The following ZC3H12D variants were observed in gnomAD, a reference collection of about 807,000 sequenced individuals.
The protein encoded by ZC3H12D is probable ribonuclease ZC3H12D.
Under a neutral mutation model 24.2 loss-of-function variants are expected in ZC3H12D, and 11 were observed. The observed-to-expected ratio is 0.46, with a 90% CI of 0.29 to 0.75. The LOEUF is 0.75. ZC3H12D is among the 30% of genes least tolerant of loss of function. The probability of loss-of-function intolerance (pLI) is 0.11; values close to 1 mark genes in which losing one functional copy is unlikely to be tolerated. For synonymous variants in ZC3H12D, 333 were observed against 341.8 expected (o/e 0.97, Z 0.28); for missense variants, 740 against 767.7 (o/e 0.96, Z 0.43).
rs1439380892 is a variant in ZC3H12D at position 149,449,037 on chromosome 6, T to C, written c.*1646A>G. The C allele has an allele frequency of 6.6e-6, 1 of 152,260 alleles. No homozygotes were observed. Among genetic ancestry groups the C allele is most frequent in the African/African-American group, 2.4e-5 (1 of 41,468 alleles). 9.4% of individuals were successfully genotyped at this position (152,260 alleles called of 1,614,324 possible). ...TGAGCCATAGTCTGGAGGGCTGGCATGGTAACCAGAATGGGTGGATGCTGC... is the reference window on the plus strand; with the variant it reads ...TGAGCCATAGTCTGGAGGGCTGGCACGGTAACCAGAATGGGTGGATGCTGC... On this transcript the variant is annotated 3_prime_UTR_variant, in exon 6 of 6. Transcript: ENST00000409806.
chr6:149,478,166 CAAAAAAAAAA>C (rs34745745), intron 1 of ZC3H12D, among the ~76,000 whole-genome samples: 1 of 116,770 alleles, frequency 8.6e-6, no homozygotes, highest in Non-Finnish European at 1.8e-5. Flanking sequence ...GACTCCATCT[CAAAAAAAAAA>C]AAAAAAAAAC....
intron 3 of ZC3H12D, 139 bp downstream of exon 3, chr6:149,461,692 C>A: frequency 1.1e-6 from 1 of 924,114 alleles, no homozygotes; most frequent in Admixed American, 2.8e-5. Flanking sequence ...ATAATCAGTG[C>A]CTTCATGGAG....
At chr6:149,483,391 G>A (rs1440631758) in intron 1 of ZC3H12D, among the ~76,000 whole-genome samples, 2 of 151,996 alleles carry the variant, frequency 1.3e-5, no homozygotes, top group Non-Finnish European at 1.5e-5. Flanking sequence ...CAGTAGCATG[G>A]AGCACATTCA....
chr6:149,468,420 T>C (rs999270391), intron 2 of ZC3H12D, among the ~76,000 whole-genome samples: 18 of 152,198 alleles, frequency 1.2e-4, no homozygotes, highest in African/African-American at 4.3e-4. Flanking sequence ...ACAATCCAAT[T>C]GTACACCACT....
rs751349341 is a variant in ZC3H12D, at chr6:149,456,833, G to A, written c.513C>T (p.His171=). 2.5e-6 allele frequency: 4 copies of A among 1,611,522 alleles called. No homozygotes were observed. Among genetic ancestry groups the A allele is most frequent in the Middle Eastern group, 1.6e-4 (1 of 6,062 alleles). ...CGTCGTAGCAGACCAGGCGCTTGCC[G>A]TGCACCTTGCGGGACGGCGTGTACA... ...VLVYTPSRKV[H]GKRLVCYDDR... Residue 171 remains histidine, a synonymous_variant, in exon 4 of 6, where the codon CAC becomes CAT. Coordinates refer to ENST00000409806, the MANE Select transcript of ZC3H12D (RefSeq NM_207360.3). The surrounding 1 kb of genome is among the most constrained non-coding windows in gnomAD (Gnocchi z 4.3).
chr6:149,470,304 G>A (rs1048805229), intron 2 of ZC3H12D, among the ~76,000 whole-genome samples: 6 of 152,062 alleles, frequency 3.9e-5, no homozygotes, highest in Middle Eastern at 3.2e-3. Context: ...AGGTTGCAGC[G>A]AGCCAAGATC....
chr6:149,464,429 A>C (rs1309062308), intron 2 of ZC3H12D, among the ~76,000 whole-genome samples: 1 of 152,160 alleles, frequency 6.6e-6, no homozygotes, highest in African/African-American at 2.4e-5. Context: ...GCCTCAAATT[A>C]GATCACTCCA....
chr6:149,473,343 A>C (rs1562477046), intron 2 of ZC3H12D, among the ~76,000 whole-genome samples: 1 of 152,184 alleles, frequency 6.6e-6, no homozygotes, highest in African/African-American at 2.4e-5. Flanking sequence ...CTATGGTGGG[A>C]GTAACTCAGC....
chr6:149,462,032 T>C (rs1776081829), intron 2 of ZC3H12D, 62 bp from the exon 3 acceptor site: 1 of 1,547,132 alleles, frequency 6.5e-7, no homozygotes, highest in Non-Finnish European at 8.7e-7. Context: ...GTGATTTCCC[T>C]GCGAATATCC....
In ZC3H12D at chr6:149,456,707, G is replaced by T; in HGVS notation, c.639C>A (p.Phe213Leu). The T allele has an allele frequency of 6.2e-7, 1 of 1,612,540 alleles. No individual in the cohort carries two copies. Among genetic ancestry groups the T allele is most frequent in the Non-Finnish European group, 8.5e-7 (1 of 1,178,958 alleles). Reference protein sequence around the residue: ...LQSENPEWKWFIEQRLLMFSF... With the variant: ...LQSENPEWKWLIEQRLLMFSF... ...AGAACATGAGCAGCCTCTGCTCGAT[G>T]AACCACTTCCACTCGGGGTTCTCGC... The change falls in exon 4 of 6, where the codon TTC becomes TTA. Residue 213 changes from phenylalanine (F) to leucine (L), a missense_variant. Coordinates refer to ENST00000409806, the MANE Select transcript of ZC3H12D (RefSeq NM_207360.3). The surrounding 1 kb of genome is among the most constrained non-coding windows in gnomAD (Gnocchi z 4.3).
At chr6:149,474,102 A>G in intron 2 of ZC3H12D, 137 bp downstream of exon 2, 1 of 640,752 alleles carries the variant, frequency 1.6e-6, no homozygotes, top group Non-Finnish European at 2.4e-6. Flanking sequence ...AGTTACTAAG[A>G]GATGGTACAG....
In ZC3H12D at chr6:149,450,400, C is replaced by A; in HGVS notation, c.*283G>T. The A allele has an allele frequency of 7.3e-6, 3 of 410,846 alleles. No homozygotes were observed. The highest frequency in any genetic ancestry group is 1.3e-5 in the Non-Finnish European group (3 of 229,980). 25.5% of individuals were successfully genotyped at this position (410,846 alleles called of 1,614,324 possible). The stretch of plus-strand genomic sequence containing the variant: ...TGATTTTGTGACCCACTTGTGGGTT[C>A]TACTGCAGCTTGGACCCGCAGTCTC... On this transcript the variant is annotated 3_prime_UTR_variant, in exon 6 of 6. Transcript: ENST00000409806.
intron 2 of ZC3H12D, among the ~76,000 whole-genome samples, chr6:149,465,397 C>A (rs1776138300): frequency 6.6e-6 from 1 of 150,638 alleles, no homozygotes; most frequent in Admixed American, 6.6e-5. Context: ...CCTTTCGCTA[C>A]TGAGGCTGAA....
In ZC3H12D at chr6:149,476,874, A is replaced by G. The variant is rs146423726; in HGVS notation, c.-70-2261T>C. Among the ~76,000 whole-genome samples, 202 of 152,332 alleles carry G rather than the reference A, an allele frequency of 1.3e-3. 1 individual carries two copies. The highest frequency in any genetic ancestry group is 4.7e-3 in the African/African-American group (195 of 41,560). On this transcript the variant is annotated intron_variant, in intron 1 of 5. Coordinates refer to ENST00000409806, the MANE Select transcript of ZC3H12D (RefSeq NM_207360.3). ...CTTTCCATGCTAGTTTACCTGTTCT[A>G]CTGCTCACTGTATCCCCAGCACTTA...
At chr6:149,458,591 G>A (rs887261471) in intron 3 of ZC3H12D, among the ~76,000 whole-genome samples, 1 of 152,142 alleles carries the variant, frequency 6.6e-6, no homozygotes, top group South Asian at 2.1e-4. Context: ...CTAAGTCCCC[G>A]GCACAGAAGA....
chr6:149,452,595 G>C lies in ZC3H12D; in HGVS notation c.787+21C>G. The C allele has an allele frequency of 5.9e-6, 9 of 1,516,190 alleles. No individual in the cohort carries two copies. Among genetic ancestry groups the C allele is most frequent in the Non-Finnish European group, 7.9e-6 (9 of 1,133,828 alleles). 93.9% of individuals were successfully genotyped at this position (1,516,190 alleles called of 1,614,324 possible). ...ACACAAGGCCCTGAACAGGGCCTGCGAAGCACTGGGCCCTACCCACCATAA... is the reference window on the plus strand; with the variant it reads ...ACACAAGGCCCTGAACAGGGCCTGCCAAGCACTGGGCCCTACCCACCATAA... On this transcript the variant is annotated intron_variant, in intron 5 of 5. Coordinates refer to ENST00000409806, the MANE Select transcript of ZC3H12D (RefSeq NM_207360.3). The surrounding 1 kb of genome is among the most constrained non-coding windows in gnomAD (Gnocchi z 4.0).
chr6:149,469,422 C>G (rs1438819831), intron 2 of ZC3H12D, among the ~76,000 whole-genome samples: 2 of 151,866 alleles, frequency 1.3e-5, no homozygotes, highest in Non-Finnish European at 2.9e-5. Flanking sequence ...GGCGCCACTG[C>G]ACTCCAGCCT....
chr6:149,475,916 T>C (rs1207700335), intron 1 of ZC3H12D, among the ~76,000 whole-genome samples: 1 of 152,086 alleles, frequency 6.6e-6, no homozygotes, highest in Admixed American at 6.5e-5. Flanking sequence ...GACCGATATA[T>C]TTCAAAAAAA....
At chr6:149,454,169 C>T (rs953554521) in intron 4 of ZC3H12D, among the ~76,000 whole-genome samples, 1 of 152,252 alleles carries the variant, frequency 6.6e-6, no homozygotes, top group Non-Finnish European at 1.5e-5. Context: ...CTGCCCTTCT[C>T]TCCTCCCTGG....
Sources: gnomAD v4.1 joint callset for allele counts (sites outside exome capture counted in the v4.1 genomes callset) on GRCh38, gnomAD v4.1.1 for gene constraint, Gnocchi (gnomAD v3.1) non-coding constraint, MANE v1.5 for transcripts, NCBI Gene and HGNC (gene_info 2026-07-23, HGNC 2026-07-21) for gene names.